MNX1: variants seen among roughly 807,000 people sequenced by gnomAD.
MNX1 encodes motor neuron and pancreas homeobox protein 1.
In MNX1, 2 loss-of-function variants were observed where a neutral mutation model predicts 17.3. The ratio of observed to expected loss-of-function variants is 0.12; its 90% confidence interval spans 0.05 to 0.36. MNX1 has a LOEUF of 0.36. Ranked by LOEUF, MNX1 falls within the 10% of genes least tolerant of loss-of-function variation. MNX1 has a pLI of 1.00. For synonymous variants in MNX1, 306 were observed against 283.1 expected, an observed-to-expected ratio of 1.08 and a Z score of -0.81; for missense variants, 556 against 564.7, an observed-to-expected ratio of 0.98 and a Z score of 0.16.
In MNX1 at chr7:157,010,454, GT is replaced by G; in HGVS notation, c.-105del. ...GGTGCAAGCCCGGGGGCTCGGTATTGTTATGGTGGTTATTTGCCAATAATCA... is the reference window on the plus strand; with the variant it reads ...GGTGCAAGCCCGGGGGCTCGGTATTGTATGGTGGTTATTTGCCAATAATCA... On this transcript the variant is annotated 5_prime_UTR_variant, in exon 1 of 3. Coordinates refer to ENST00000252971, the MANE Select transcript of MNX1 (RefSeq NM_005515.4). The G allele has an allele frequency of 1.4e-6, 1 of 707,554 alleles. No individual in the cohort carries two copies. The highest frequency in any genetic ancestry group is 2.1e-6 in the Non-Finnish European group (1 of 474,766). The allele number at this position is 707,554 out of a possible 1,614,324, so 43.8% of individuals were successfully genotyped here.
At position 157,009,147 on chromosome 7, in the gene MNX1, C is replaced by A; in HGVS notation, c.691+513G>T. On this transcript the variant is annotated intron_variant, in intron 1 of 2. Transcript: ENST00000252971. Reference sequence around the variant, plus strand: ...AGCGCCCTGGTAAGAGCCGGGGGTTCCCTGGGCCTTGGCCTTGCCTCCCCG... The same window carrying A: ...AGCGCCCTGGTAAGAGCCGGGGGTTACCTGGGCCTTGGCCTTGCCTCCCCG... 5 of 1,518,580 alleles carry A rather than the reference C, an allele frequency of 3.3e-6. No individual in the cohort carries two copies. In the African/African-American group the frequency reaches 5.5e-5, roughly 17 times the overall value. The allele number at this position is 1,518,580 out of a possible 1,614,324, so 94.1% of individuals were successfully genotyped here. A position where few individuals can be genotyped will look rare whatever the true frequency, so the allele number is the denominator to read the frequency against.
At position 157,006,191 on chromosome 7, in the gene MNX1, G is replaced by A. The variant is rs772389489; in HGVS notation, c.852+288C>T. The A allele has an allele frequency of 1.2e-5, 7 of 583,240 alleles. No homozygotes were observed. Among genetic ancestry groups the A allele is most frequent in the Non-Finnish European group, 2.1e-5 (7 of 329,862 alleles). 36.1% of individuals were successfully genotyped at this position (583,240 alleles called of 1,614,324 possible). ...GGTCAGGGCAGCTGGCTACGTCGCG[G>A]TAAATCTCAGGATGTTCCCTCCTCT... On this transcript the variant is annotated intron_variant, in intron 2 of 2. Coordinates refer to ENST00000252971, the MANE Select transcript of MNX1 (RefSeq NM_005515.4). This position sits in a 1 kb window ranked among gnomAD's most constrained non-coding sequence, Gnocchi z 6.3.
At chr7:157,009,303 C>CCCCATTCCCGGGCCTGCCTAATTCAGGG in intron 1 of MNX1, 1 of 1,419,030 alleles carries the variant, frequency 7.0e-7, no homozygotes, top group African/African-American at 1.4e-5. Context: ...AAGCCCTGAC[C>CCCCATTCCCGGGCCTGCCTAATTCAGGG]CCCATTCCCG....
intron 1 of MNX1, chr7:157,008,726 G>C (rs977362225): frequency 2.7e-5 from 13 of 484,162 alleles, no homozygotes; most frequent in Non-Finnish European, 4.8e-5. Flanking sequence ...TTGGGTGTTC[G>C]GCGGCTGAAA....
At chr7:157,005,894 G>A (rs1347081515) in intron 2 of MNX1, 21 bp from the exon 3 acceptor site, 1 of 1,609,484 alleles carries the variant, frequency 6.2e-7, no homozygotes, top group Admixed American at 1.7e-5. Context: ...AAGCGGGCGT[G>A]AGAAACCGGC....
At chr7:157,009,515 C>T (rs952579138) in intron 1 of MNX1, 145 bp downstream of exon 1, 77 of 1,452,156 alleles carry the variant, frequency 5.3e-5, no homozygotes, top group Admixed American at 2.7e-4. Context: ...GGCGAGTCCT[C>T]GCAGGCCCCG....
chr7:157,006,102 G>A lies in MNX1; in HGVS notation c.853-229C>T, dbSNP rs1805593077. Reference sequence around the variant, plus strand: ...TGGGCTGGAGCTCCGTGGGAGCTAGGACTATGTCCCCAACGACCCAGGCCG... The same window carrying A: ...TGGGCTGGAGCTCCGTGGGAGCTAGAACTATGTCCCCAACGACCCAGGCCG... On this transcript the variant is annotated intron_variant, in intron 2 of 2. Transcript: ENST00000252971. This position sits in a 1 kb window ranked among gnomAD's most constrained non-coding sequence, Gnocchi z 6.3. Among the ~76,000 whole-genome samples the A allele has an allele frequency of 6.6e-6, 1 of 152,208 alleles. No individual in the cohort carries two copies. Among genetic ancestry groups the A allele is most frequent in the Non-Finnish European group, 1.5e-5 (1 of 68,026 alleles).
In MNX1 at chr7:157,005,460, C is replaced by T; in HGVS notation, c.*60G>A. 2.5e-6 allele frequency: 3 copies of T among 1,192,698 alleles called. No individual in the cohort carries two copies. Among genetic ancestry groups the T allele is most frequent in the Non-Finnish European group, 3.1e-6 (3 of 957,178 alleles). 73.9% of individuals were successfully genotyped at this position (1,192,698 alleles called of 1,614,324 possible). A position where few individuals can be genotyped will look rare whatever the true frequency, so the allele number is the denominator to read the frequency against. ...GGGTGGGTGCGGGCGCCGGGGCCTCCGGGAGAAGCCGCCGGCCGGGGCGCT... is the reference window on the plus strand; with the variant it reads ...GGGTGGGTGCGGGCGCCGGGGCCTCTGGGAGAAGCCGCCGGCCGGGGCGCT... On this transcript the variant is annotated 3_prime_UTR_variant, in exon 3 of 3. Coordinates refer to ENST00000252971, the MANE Select transcript of MNX1 (RefSeq NM_005515.4).
At position 157,005,630 on chromosome 7, in the gene MNX1, C is replaced by A. The variant is rs1427634298; in HGVS notation, c.1096G>T (p.Asp366Tyr). Residue 366 changes from aspartate (D) to tyrosine (Y), a missense_variant, in exon 3 of 3, where the codon GAC (aspartate) becomes TAC (tyrosine). Around this residue, in one of 7 missense-constraint regions of MNX1, gnomAD observed 178 missense variants for 155.2 expected, o/e 1.15. Transcript: ENST00000252971. ...PEEDEDEDDEDHFPYSNGASV... is the reference protein window; with the variant it reads ...PEEDEDEDDEYHFPYSNGASV... ...GCGCCGTTGCTGTAGGGGAAATGGT[C>A]CTCGTCGTCCTCGTCCTCGTCCTCC... 6.2e-7 allele frequency: 1 copy of A among 1,608,646 alleles called. No homozygotes were observed. The highest frequency in any genetic ancestry group is 8.5e-7 in the Non-Finnish European group (1 of 1,178,464).
At chr7:157,009,466 T>C in intron 1 of MNX1, 194 bp downstream of exon 1, 1 of 1,434,714 alleles carries the variant, frequency 7.0e-7, no homozygotes, top group Non-Finnish European at 9.1e-7. Context: ...CGCATGGCCA[T>C]TTTAATAATT....
intron 1 of MNX1, chr7:157,007,423 G>C (rs1187008770): frequency 6.6e-6 from 1 of 152,434 alleles, no homozygotes; most frequent in Non-Finnish European, 1.5e-5. Context: ...CCAAACCCAG[G>C]GTCCAAGTCT....
Position 157,005,546 on chromosome 7 carries a change from G to T in MNX1, c.1180C>A (p.Pro394Thr). 1 of 1,541,648 alleles carries T rather than the reference G, an allele frequency of 6.5e-7. No individual in the cohort carries two copies. The highest frequency in any genetic ancestry group is 8.7e-7 in the Non-Finnish European group (1 of 1,149,064). ...SSEDDSPPPR[P>T]SHQPAPQ ...TACTGGGGCGCGGGCTGGTGGCTGG[G>T]CCGCGGGGGCGGCGAGTCGTCCTCC... Residue 394 changes from proline (P) to threonine (T), a missense_variant, in exon 3 of 3, where the codon CCC (proline) becomes ACC (threonine). Physicochemically the swap from Pro to Thr is conservative, Grantham distance 38. This residue lies in a region of MNX1 where 178 missense variants were observed against 155.2 expected (regional missense o/e 1.15). Transcript: ENST00000252971.
Position 157,006,838 on chromosome 7 carries a change from G to A in MNX1, c.692-199C>T, listed in dbSNP as rs1805609622. Reference sequence around the variant, plus strand: ...CCACCAAGTGGAAATGGATAGTTTGGAGTTAATGAGACCAATTTTTTTTTT... The same window carrying A: ...CCACCAAGTGGAAATGGATAGTTTGAAGTTAATGAGACCAATTTTTTTTTT... On this transcript the variant is annotated intron_variant, in intron 1 of 2. Transcript: ENST00000252971. The surrounding 1 kb of genome is among the most constrained non-coding windows in gnomAD (Gnocchi z 6.3). 4 of 500,052 alleles carry A rather than the reference G, an allele frequency of 8.0e-6. No individual in the cohort carries two copies. The South Asian group carries it at 1.2e-4, about 15-fold the overall frequency. 31.0% of individuals were successfully genotyped at this position (500,052 alleles called of 1,614,324 possible).
rs1042672446 is a variant in MNX1 at position 157,009,607 on chromosome 7, G to A, written c.691+53C>T. 2.5e-6 allele frequency: 4 copies of A among 1,587,482 alleles called. No homozygotes were observed. The Admixed American group carries it at 5.2e-5, about 21-fold the overall frequency. On this transcript the variant is annotated intron_variant, in intron 1 of 2. Transcript: ENST00000252971. ...AGAGGGGCAGGCGGTGCCGGTGGAG[G>A]ATGCGCGAGGCCCTCCCGCCACGCG... is the stretch of plus-strand genomic sequence containing the variant.
At position 157,005,379 on chromosome 7, in the gene MNX1, C is replaced by T; in HGVS notation, c.*141G>A. Reference sequence around the variant, plus strand: ...AGCCGCGGCCGAATCCCTCCAGCCCCGGCCTGGGCGAGGGGTCCATGGGGC... The same window carrying T: ...AGCCGCGGCCGAATCCCTCCAGCCCTGGCCTGGGCGAGGGGTCCATGGGGC... On this transcript the variant is annotated 3_prime_UTR_variant, in exon 3 of 3. Transcript: ENST00000252971. 2 of 485,936 alleles carry T rather than the reference C, an allele frequency of 4.1e-6. No homozygotes were observed. Among genetic ancestry groups the T allele is most frequent in the Non-Finnish European group, 6.0e-6 (2 of 333,258 alleles). The allele number at this position is 485,936 out of a possible 1,614,324, so 30.1% of individuals were successfully genotyped here. A position where few individuals can be genotyped will look rare whatever the true frequency, so the allele number is the denominator to read the frequency against.
intron 1 of MNX1, chr7:157,007,510 G>A (rs1805627392): frequency 6.6e-6 from 1 of 152,302 alleles, no homozygotes; most frequent in Non-Finnish European, 1.5e-5. Context: ...GGGCGGCAGG[G>A]GCAAGGCCTG....
Position 157,005,542 on chromosome 7 carries a change from C to T in MNX1, c.1184G>A (p.Ser395Asn). 6.5e-7 allele frequency: 1 copy of T among 1,536,742 alleles called. No individual in the cohort carries two copies. The highest frequency in any genetic ancestry group is 8.7e-7 in the Non-Finnish European group (1 of 1,146,664). The change falls in exon 3 of 3, where the codon AGC (serine) becomes AAC (asparagine). Residue 395 changes from serine (S) to asparagine (N), a missense_variant. By Grantham distance (46) the Ser-to-Asn change is conservative. Coordinates refer to ENST00000252971, the MANE Select transcript of MNX1 (RefSeq NM_005515.4). ...SEDDSPPPRP[S>N]HQPAPQ ...CTCCTACTGGGGCGCGGGCTGGTGG[C>T]TGGGCCGCGGGGGCGGCGAGTCGTC...
intron 1 of MNX1, chr7:157,008,703 G>A (rs958941201): frequency 4.2e-6 from 2 of 471,442 alleles, no homozygotes. Flanking sequence ...CAGAAACAAT[G>A]GGGTCTCTTT....
At chr7:157,007,337 A>G (rs1805621593) in intron 1 of MNX1, among the ~76,000 whole-genome samples, 1 of 149,774 alleles carries the variant, frequency 6.7e-6, no homozygotes, top group Admixed American at 6.6e-5. Context: ...GGGAGGGAGG[A>G]AGGAAAGAAG....
Sources: allele counts gnomAD v4.1 joint callset (sites outside exome capture counted in the v4.1 genomes callset), GRCh38; gene constraint gnomAD v4.1.1; regional missense constraint gnomAD v4.1.1; non-coding constraint Gnocchi (gnomAD v3.1); transcripts MANE v1.5; gene names NCBI Gene and HGNC (gene_info 2026-07-23, HGNC 2026-07-21).